Variants in SLC24A3 observed in about 807,000 individuals in gnomAD.
SLC24A3 encodes sodium/potassium/calcium exchanger 3.
Under a neutral mutation model 75.8 loss-of-function variants are expected in SLC24A3, and 28 were observed. The ratio of observed to expected loss-of-function variants is 0.37; its 90% confidence interval spans 0.27 to 0.51. SLC24A3 has a LOEUF of 0.51. Ranked by LOEUF, SLC24A3 falls within the 20% of genes least tolerant of loss-of-function variation. SLC24A3 has a pLI of 0.94. For synonymous variants in SLC24A3, 372 were observed against 334.1 expected (o/e 1.11, Z -1.24); for missense variants, 663 against 847.8 (o/e 0.78, Z 2.71).
rs527838293 is a variant in SLC24A3 at position 19,431,122 on chromosome 20, G to A, written c.272-84366G>A. Among the ~76,000 whole-genome samples, 4 of 152,200 alleles carry A rather than the reference G, an allele frequency of 2.6e-5. No individual in the cohort carries two copies. In the South Asian group the frequency reaches 8.3e-4, roughly 32 times the overall value. ...AACTGGCTGGTTGGCCAATGGGAAG[G>A]GAGTGTTGATGAGCACTACAGTGAG... On this transcript the variant is annotated intron_variant, in intron 2 of 16. Transcript: ENST00000328041.
chr20:19,549,463 A>G (rs1180807375), intron 3 of SLC24A3, among the ~76,000 whole-genome samples: 1 of 152,198 alleles, frequency 6.6e-6, no homozygotes, highest in Non-Finnish European at 1.5e-5. Flanking sequence ...TTAATTGCTC[A>G]ATGTATTTAC....
At chr20:19,462,619 G>A (rs1987697854) in intron 2 of SLC24A3, among the ~76,000 whole-genome samples, 1 of 152,192 alleles carries the variant, frequency 6.6e-6, no homozygotes, top group African/African-American at 2.4e-5. Flanking sequence ...CTGGTCACGT[G>A]CTTGTGCGCT....
intron 15 of SLC24A3, among the ~76,000 whole-genome samples, chr20:19,701,363 A>AG (rs2032870539): frequency 6.6e-6 from 1 of 151,818 alleles, no homozygotes; most frequent in Non-Finnish European, 1.5e-5. Flanking sequence ...TTATTAAAAA[A>AG]AAACATTAAT....
intron 6 of SLC24A3, among the ~76,000 whole-genome samples, chr20:19,616,014 G>A (rs1479639458): frequency 1.3e-5 from 2 of 152,142 alleles, no homozygotes; most frequent in African/African-American, 4.8e-5. Context: ...CCTTCTATAG[G>A]TACATAGATC....
intron 9 of SLC24A3, among the ~76,000 whole-genome samples, chr20:19,675,151 A>G (rs1473964372): frequency 6.6e-6 from 1 of 152,232 alleles, no homozygotes; most frequent in Non-Finnish European, 1.5e-5. Context: ...TCTTTTTGCC[A>G]GGCACCACTG....
At chr20:19,489,139 A>C (rs1327788025) in intron 2 of SLC24A3, among the ~76,000 whole-genome samples, 1 of 152,206 alleles carries the variant, frequency 6.6e-6, no homozygotes, top group Non-Finnish European at 1.5e-5. Flanking sequence ...ATACATTCAG[A>C]ACTCCTACAG....
In SLC24A3 at chr20:19,717,443, T is replaced by G. The variant is rs916553214; in HGVS notation, c.1720-85T>G. The G allele has an allele frequency of 5.1e-6, 7 of 1,366,332 alleles. No individual in the cohort carries two copies. The African/African-American group carries it at 8.6e-5, about 17-fold the overall frequency. The allele number at this position is 1,366,332 out of a possible 1,614,324, so 84.6% of individuals were successfully genotyped here. On this transcript the variant is annotated intron_variant, in intron 15 of 16. Coordinates refer to ENST00000328041, the MANE Select transcript of SLC24A3 (RefSeq NM_020689.4). ...ATGTGGAATCACTGCTACTCAGAGT[T>G]GCGTAGGCAGATGCCTTTTCCAAAG...
At chr20:19,600,718 G>C (rs2031517369) in intron 6 of SLC24A3, among the ~76,000 whole-genome samples, 1 of 152,180 alleles carries the variant, frequency 6.6e-6, no homozygotes, top group Non-Finnish European at 1.5e-5. Context: ...GAGTGCAGTG[G>C]CATAATCATA....
At chr20:19,255,233 G>C (rs1488649209) in intron 1 of SLC24A3, among the ~76,000 whole-genome samples, 1 of 152,232 alleles carries the variant, frequency 6.6e-6, no homozygotes, top group Non-Finnish European at 1.5e-5. Context: ...CAGGGGAGTT[G>C]AGTGGCTTAT....
intron 2 of SLC24A3, among the ~76,000 whole-genome samples, chr20:19,412,216 T>C (rs1986754330): frequency 6.6e-6 from 1 of 152,174 alleles, no homozygotes; most frequent in Non-Finnish European, 1.5e-5. Context: ...CCTAATAAAA[T>C]TAAGCCTTAA....
chr20:19,607,807 T>C (rs1026263946), intron 6 of SLC24A3, among the ~76,000 whole-genome samples: 11 of 152,236 alleles, frequency 7.2e-5, no homozygotes, highest in African/African-American at 2.4e-5. Flanking sequence ...ATTTTCATAC[T>C]GATAAGGCTT....
chr20:19,572,382 C>T (rs2122623259), intron 3 of SLC24A3, among the ~76,000 whole-genome samples: 1 of 152,204 alleles, frequency 6.6e-6, no homozygotes, highest in Middle Eastern at 3.4e-3. Context: ...GGTCCATAAC[C>T]AAGCCAGCAA....
chr20:19,459,887 C>T (rs1987641079), intron 2 of SLC24A3, among the ~76,000 whole-genome samples: 1 of 152,168 alleles, frequency 6.6e-6, no homozygotes, highest in Admixed American at 6.5e-5. Context: ...CCTCTGCTAC[C>T]TCTCAAATAT....
chr20:19,309,257 C>T (rs1394513606), intron 2 of SLC24A3, among the ~76,000 whole-genome samples: 3 of 152,234 alleles, frequency 2.0e-5, no homozygotes, highest in African/African-American at 7.2e-5. Context: ...TTTCTTGCTG[C>T]AGAACTTGAT....
intron 2 of SLC24A3, among the ~76,000 whole-genome samples, chr20:19,461,951 G>A (rs73903103): frequency 0.024 from 3,673 of 152,282 alleles, 144 homozygotes; most frequent in African/African-American, 0.084. Flanking sequence ...CAAATATTCA[G>A]TGGTTGGTCA....
intron 2 of SLC24A3, among the ~76,000 whole-genome samples, chr20:19,479,177 C>T (rs1017421912): frequency 6.6e-6 from 1 of 152,236 alleles, no homozygotes. Context: ...CTTAGCCTTT[C>T]ATGGCTAACA....
chr20:19,243,327 G>A (rs1600389987), intron 1 of SLC24A3, among the ~76,000 whole-genome samples: 1 of 152,308 alleles, frequency 6.6e-6, no homozygotes, highest in Non-Finnish European at 1.5e-5. Flanking sequence ...ACTGTTACGG[G>A]GTGGGCTACA....
chr20:19,570,990 G>C (rs901480532), intron 3 of SLC24A3, among the ~76,000 whole-genome samples: 7 of 152,150 alleles, frequency 4.6e-5, no homozygotes, highest in Non-Finnish European at 8.8e-5. Flanking sequence ...GTAGAGGTTA[G>C]AGCTGTAGAC....
chr20:19,314,644 A>G (rs938518580), intron 2 of SLC24A3, among the ~76,000 whole-genome samples: 1 of 152,318 alleles, frequency 6.6e-6, no homozygotes, highest in South Asian at 2.1e-4. Context: ...AATTGTAGAC[A>G]CTTAAGCATT....
Sources: gnomAD v4.1 joint callset for allele counts (sites outside exome capture counted in the v4.1 genomes callset) on GRCh38, gnomAD v4.1.1 for gene constraint, MANE v1.5 for transcripts, NCBI Gene and HGNC (gene_info 2026-07-23, HGNC 2026-07-21) for gene names.